HSDL2: variants seen among roughly 807,000 people sequenced by gnomAD.
The protein encoded by HSDL2 is hydroxysteroid dehydrogenase-like protein 2.
In HSDL2, 27 loss-of-function variants were observed where a neutral mutation model predicts 46.3. That is an observed-to-expected ratio of 0.58 (90% CI 0.43 to 0.80). The LOEUF is 0.80. HSDL2 is among the 30% of genes least tolerant of loss of function. The pLI is 0.00. For synonymous variants in HSDL2, 153 were observed against 163.6 expected (o/e 0.94, Z 0.50); for missense variants, 451 against 502.7 (o/e 0.90, Z 0.98).
chr9:112,453,662 G>A (rs1832943225), intron 8 of HSDL2, among the ~76,000 whole-genome samples: 1 of 152,156 alleles, frequency 6.6e-6, no homozygotes, highest in Non-Finnish European at 1.5e-5. Flanking sequence ...CAAAGTGCTG[G>A]AATTACATGC....
In HSDL2 at chr9:112,470,463, A is replaced by T; in HGVS notation, c.1176A>T (p.Ser392=). The T allele has an allele frequency of 6.2e-7, 1 of 1,611,564 alleles. No homozygotes were observed. Among genetic ancestry groups the T allele is most frequent in the South Asian group, 1.1e-5 (1 of 90,610 alleles). Residue 392 remains serine, a synonymous_variant, in exon 11 of 11, where the codon TCA becomes TCT. Transcript: ENST00000398805. Reference sequence around the variant, plus strand: ...TAAAACCAACAATGGCATTCATGTCAGGGAAATTGAAGATTAAAGGTAACA... The same window carrying T: ...TAAAACCAACAATGGCATTCATGTCTGGGAAATTGAAGATTAAAGGTAACA... ...GKLKPTMAFM[S]GKLKIKGNMA... is the part of the protein sequence containing the mutation.
At chr9:112,428,492 CGTT>C (rs1201128448) in intron 6 of HSDL2, among the ~76,000 whole-genome samples, 5 of 152,124 alleles carry the variant, frequency 3.3e-5, no homozygotes, top group African/African-American at 1.2e-4. Flanking sequence ...TGTCAAGACT[CGTT>C]GGTGAGGCAT....
intron 8 of HSDL2, among the ~76,000 whole-genome samples, chr9:112,443,622 C>G (rs1307822927): frequency 4.6e-5 from 7 of 152,120 alleles, no homozygotes; most frequent in Admixed American, 2.0e-4. Flanking sequence ...CTCAGCTACT[C>G]AGGAGACTGA....
In HSDL2 at chr9:112,416,876, A is replaced by G. The variant is rs897244413; in HGVS notation, c.431A>G (p.Lys144Arg). 8 of 1,603,204 alleles carry G rather than the reference A, an allele frequency of 5.0e-6. No homozygotes were observed. Among genetic ancestry groups the G allele is most frequent in the Non-Finnish European group, 6.8e-6 (8 of 1,170,528 alleles). ...TGTATTCCTTATTTGAAAAAGAGCA[A>G]AGTTGCTCATATCCTCAATATCAGT... is the stretch of plus-strand genomic sequence containing the variant. Reference protein sequence around the residue: ...KACIPYLKKSKVAHILNISPP... With the variant: ...KACIPYLKKSRVAHILNISPP... The change falls in exon 5 of 11, where the codon AAA (lysine) becomes AGA (arginine). Residue 144 changes from lysine to arginine, a missense_variant. Lys to Arg is a conservative substitution (Grantham distance 26). Coordinates refer to ENST00000398805, the MANE Select transcript of HSDL2 (RefSeq NM_032303.5).
At chr9:112,423,399 T>C (rs1245512149) in intron 6 of HSDL2, among the ~76,000 whole-genome samples, 2 of 152,162 alleles carry the variant, frequency 1.3e-5, no homozygotes, top group Non-Finnish European at 2.9e-5. Context: ...TGGAGAGCAG[T>C]GGCATAATCT....
rs771970194 is a variant in HSDL2, at chr9:112,470,412, C to G, written c.1145-20C>G. 6.7e-7 allele frequency: 1 copy of G among 1,501,762 alleles called. No individual in the cohort carries two copies. The highest frequency in any genetic ancestry group is 1.7e-5 in the Admixed American group (1 of 58,506). The allele number at this position is 1,501,762 out of a possible 1,614,324, so 93.0% of individuals were successfully genotyped here. On this transcript the variant is annotated intron_variant, in intron 10 of 10. Coordinates refer to ENST00000398805, the MANE Select transcript of HSDL2 (RefSeq NM_032303.5). ...AGGGCACTAATGGTTGCTTTTCCCT[C>G]TCTCATTTTCTCATTTTAGGGAAAC...
chr9:112,398,459 A>G (rs1831510396), intron 1 of HSDL2, among the ~76,000 whole-genome samples: 1 of 152,070 alleles, frequency 6.6e-6, no homozygotes, highest in African/African-American at 2.4e-5. Flanking sequence ...CCGGCTCCTC[A>G]TGAAAAGAAA....
At chr9:112,400,306 G>A (rs928743271) in intron 1 of HSDL2, among the ~76,000 whole-genome samples, 7 of 152,142 alleles carry the variant, frequency 4.6e-5, no homozygotes, top group African/African-American at 1.7e-4. Context: ...ACTGCTGCTG[G>A]TAAGGATATT....
At chr9:112,434,278 A>G (rs10817341) in intron 6 of HSDL2, among the ~76,000 whole-genome samples, 85,259 of 151,744 alleles carry the variant, frequency 0.56, 24,142 homozygotes, top group African/African-American at 0.65. Context: ...GCAGCTACTG[A>G]TTTGGTAATG....
intron 6 of HSDL2, among the ~76,000 whole-genome samples, chr9:112,437,657 T>C (rs1564123745): frequency 6.6e-6 from 1 of 152,134 alleles, no homozygotes; most frequent in Non-Finnish European, 1.5e-5. Context: ...GCAATGCTGA[T>C]GTTTTAAGCC....
intron 1 of HSDL2, among the ~76,000 whole-genome samples, chr9:112,402,200 T>G (rs1225274987): frequency 1.3e-5 from 2 of 152,226 alleles, no homozygotes; most frequent in African/African-American, 4.8e-5. Flanking sequence ...GCTGTTATCT[T>G]TATTTTATTC....
At chr9:112,442,124 T>A (rs555214980) in intron 8 of HSDL2, among the ~76,000 whole-genome samples, 1 of 151,438 alleles carries the variant, frequency 6.6e-6, no homozygotes, top group African/African-American at 2.4e-5. Context: ...AAAAAATACG[T>A]TGGGCGTGGT....
chr9:112,469,480 T>G (rs1833500358), intron 10 of HSDL2, among the ~76,000 whole-genome samples: 2 of 151,764 alleles, frequency 1.3e-5, no homozygotes, highest in Non-Finnish European at 1.5e-5. Flanking sequence ...GAGACCAGCC[T>G]GGGCAACATG....
intron 9 of HSDL2, among the ~76,000 whole-genome samples, chr9:112,458,002 C>A (rs1484376465): frequency 2.0e-5 from 3 of 152,200 alleles, no homozygotes; most frequent in Admixed American, 1.3e-4. Context: ...CATGACACAT[C>A]CTGTAGGATG....
intron 1 of HSDL2, among the ~76,000 whole-genome samples, chr9:112,380,536 C>A (rs1294694739): frequency 6.6e-6 from 1 of 152,166 alleles, no homozygotes. Context: ...GTCGCAGGAG[C>A]AGCTCCAGAG....
At chr9:112,468,048 TTGTTTGTC>T (rs1180460954) in intron 10 of HSDL2, among the ~76,000 whole-genome samples, 2 of 448 alleles carry the variant, frequency 4.5e-3, no homozygotes. Flanking sequence ...ACTCTCTTGA[TTGTTTGTC>T]TGGGTAGAGA....
At chr9:112,422,809 C>A (rs1260960552) in intron 6 of HSDL2, among the ~76,000 whole-genome samples, 2 of 152,152 alleles carry the variant, frequency 1.3e-5, no homozygotes, top group Non-Finnish European at 2.9e-5. Context: ...TCTGGGAGAA[C>A]CTCAGAATTT....
At chr9:112,446,066 C>T (rs1233987811) in intron 8 of HSDL2, among the ~76,000 whole-genome samples, 1 of 151,904 alleles carries the variant, frequency 6.6e-6, no homozygotes, top group African/African-American at 2.4e-5. Flanking sequence ...TTCAGAATAG[C>T]CTCCATTGCC....
Position 112,450,456 on chromosome 9 carries a change from C to T in HSDL2, c.866-3557C>T, listed in dbSNP as rs1832857783. On this transcript the variant is annotated intron_variant, in intron 8 of 10. Coordinates refer to ENST00000398805, the MANE Select transcript of HSDL2 (RefSeq NM_032303.5). ...ACCAGCCTGGCCAGCATGGTGAAAC[C>T]CTGTCTCTACTAAAAATACAAAATT... Among the ~76,000 whole-genome samples, 5 of 151,826 alleles carry T rather than the reference C, an allele frequency of 3.3e-5. No individual in the cohort carries two copies. The South Asian group carries it at 1.0e-3, about 32-fold the overall frequency.
Sources: gnomAD v4.1 joint callset for allele counts (sites outside exome capture counted in the v4.1 genomes callset) on GRCh38, gnomAD v4.1.1 for gene constraint, MANE v1.5 for transcripts, NCBI Gene and HGNC (gene_info 2026-07-23, HGNC 2026-07-21) for gene names.